Variants in AP1S3 observed in about 807,000 individuals in gnomAD.
AP1S3 encodes AP-1 complex subunit sigma-3.
In AP1S3, 10 loss-of-function variants were observed where a neutral mutation model predicts 20.9. The observed-to-expected ratio is 0.48, with a 90% CI of 0.29 to 0.81. AP1S3 has a LOEUF of 0.81. Among genes scored for constraint, AP1S3 ranks in the 30% least tolerant of loss-of-function variants. AP1S3 has a pLI of 0.08. For missense variants in AP1S3, 154 were observed against 183.8 expected, an observed-to-expected ratio of 0.84 and a Z score of 0.94; for synonymous variants, 41 against 61.5, an observed-to-expected ratio of 0.67 and a Z score of 1.56.
rs539602644 is a variant in AP1S3 at position 223,769,976 on chromosome 2, C to T, written c.292-4626G>A. 2.8e-3 allele frequency among the ~76,000 whole-genome samples: 427 copies of T among 152,128 alleles called. 1 individual carries two copies. The highest frequency in any genetic ancestry group is 9.8e-3 in the African/African-American group (407 of 41,502). ...AGCCAGGATGGTCTCGATCTCCTGA[C>T]CTCGTGATCCACCCGCCTCGGCCTC... On this transcript the variant is annotated intron_variant, in intron 3 of 4. Transcript: ENST00000396654.
At chr2:223,768,838 G>A (rs367822759) in intron 3 of AP1S3, among the ~76,000 whole-genome samples, 7 of 152,148 alleles carry the variant, frequency 4.6e-5, no homozygotes, top group African/African-American at 1.4e-4. Context: ...CTGGGTGACA[G>A]AGCAAGACTC....
At chr2:223,800,178 G>A (rs1014458616) in intron 1 of AP1S3, among the ~76,000 whole-genome samples, 1 of 149,802 alleles carries the variant, frequency 6.7e-6, no homozygotes, top group African/African-American at 2.5e-5. Context: ...TCGTACCACT[G>A]CACTCCAGCC....
intron 3 of AP1S3, among the ~76,000 whole-genome samples, chr2:223,767,097 A>G (rs7587597): frequency 0.66 from 99,411 of 151,686 alleles, 33,474 homozygotes; most frequent in East Asian, 0.82. Flanking sequence ...CAGGTTGATG[A>G]GTGCAGCAAA....
rs756220727 is a variant in AP1S3, at chr2:223,758,343, A to G, written c.*372T>C. The G allele has an allele frequency of 1.0e-5, 10 of 1,000,522 alleles. No individual in the cohort carries two copies. The highest frequency in any genetic ancestry group is 1.2e-5 in the Non-Finnish European group (10 of 838,958). 62.0% of individuals were successfully genotyped at this position (1,000,522 alleles called of 1,614,324 possible). ...TGACATCATATATACTTTACATTCA[A>G]AATCATGGATTATTACAATATTGTG... On this transcript the variant is annotated 3_prime_UTR_variant, in exon 5 of 5. Transcript: ENST00000396654.
chr2:223,802,708 G>A (rs933814432), intron 1 of AP1S3, among the ~76,000 whole-genome samples: 2 of 152,040 alleles, frequency 1.3e-5, no homozygotes, highest in Non-Finnish European at 2.9e-5. Flanking sequence ...GAAACATGTT[G>A]GATCACAGTG....
intron 4 of AP1S3, among the ~76,000 whole-genome samples, chr2:223,759,435 T>A (rs4674812): frequency 0.19 from 28,479 of 152,170 alleles, 4,659 homozygotes; most frequent in African/African-American, 0.41. Flanking sequence ...TACGTCTGTA[T>A]AACATATGTA....
At chr2:223,815,185 T>C (rs185512545) in intron 1 of AP1S3, among the ~76,000 whole-genome samples, 4 of 152,378 alleles carry the variant, frequency 2.6e-5, no homozygotes, top group Admixed American at 2.6e-4. Context: ...TGAAAATAAA[T>C]GTCAATGTGC....
At chr2:223,791,225 A>G (rs1370632406) in intron 1 of AP1S3, among the ~76,000 whole-genome samples, 1 of 152,172 alleles carries the variant, frequency 6.6e-6, no homozygotes, top group African/African-American at 2.4e-5. Context: ...CACAACAACA[A>G]CAACAACAAA....
At chr2:223,773,406 G>C (rs755882962) in intron 3 of AP1S3, 1 of 1,284,346 alleles carries the variant, frequency 7.8e-7, no homozygotes, top group Admixed American at 2.4e-5. Flanking sequence ...TTGAATAGTA[G>C]AAAGTATTAA....
intron 1 of AP1S3, among the ~76,000 whole-genome samples, chr2:223,799,271 G>C (rs1001834223): frequency 6.6e-6 from 1 of 151,218 alleles, no homozygotes; most frequent in Non-Finnish European, 1.5e-5. Flanking sequence ...TGAAGGTGAA[G>C]GCAGAGATTG....
At chr2:223,835,105 T>C (rs927253212) in intron 1 of AP1S3, among the ~76,000 whole-genome samples, 5 of 152,256 alleles carry the variant, frequency 3.3e-5, no homozygotes, top group African/African-American at 1.2e-4. Flanking sequence ...TCTTGGGGAC[T>C]GCTGGGGGTA....
intron 1 of AP1S3, among the ~76,000 whole-genome samples, chr2:223,828,829 G>T (rs1692192977): frequency 6.6e-6 from 1 of 151,968 alleles, no homozygotes; most frequent in African/African-American, 2.4e-5. Flanking sequence ...TTGAAAAAGG[G>T]ATCCTACATT....
intron 1 of AP1S3, among the ~76,000 whole-genome samples, chr2:223,805,022 A>G (rs1398900689): frequency 6.6e-6 from 1 of 152,244 alleles, no homozygotes; most frequent in African/African-American, 2.4e-5. Flanking sequence ...TTTATTAGAG[A>G]AACAACAGCA....
chr2:223,813,673 T>A (rs1285607139), intron 1 of AP1S3, among the ~76,000 whole-genome samples: 2 of 152,152 alleles, frequency 1.3e-5, no homozygotes, highest in African/African-American at 4.8e-5. Context: ...AGCCCCTCTA[T>A]CCCTTCATAA....
intron 1 of AP1S3, among the ~76,000 whole-genome samples, chr2:223,826,324 G>A (rs531797845): frequency 1.3e-5 from 2 of 152,202 alleles, no homozygotes; most frequent in Non-Finnish European, 2.9e-5. Context: ...CAGGTATGGT[G>A]GCTTATGCCT....
chr2:223,780,134 C>G (rs1470092687), intron 1 of AP1S3, among the ~76,000 whole-genome samples: 4 of 151,482 alleles, frequency 2.6e-5, no homozygotes, highest in Non-Finnish European at 5.9e-5. Flanking sequence ...ACCACCACCC[C>G]CTGGCCCCAG....
intron 1 of AP1S3, among the ~76,000 whole-genome samples, chr2:223,809,096 T>A (rs975510062): frequency 1.3e-5 from 2 of 152,214 alleles, no homozygotes; most frequent in African/African-American, 4.8e-5. Flanking sequence ...AATCTGTTAT[T>A]AATATAATAG....
Position 223,811,055 on chromosome 2 carries a change from A to G in AP1S3, c.3+26393T>C, listed in dbSNP as rs183676294. 2.3e-3 allele frequency among the ~76,000 whole-genome samples: 356 copies of G among 151,954 alleles called. 1 individual carries two copies. The highest frequency in any genetic ancestry group is 3.6e-3 in the Non-Finnish European group (242 of 67,962). On this transcript the variant is annotated intron_variant, in intron 1 of 4. Transcript: ENST00000396654. Reference sequence around the variant, plus strand: ...ACAAGTGGTTTTGGTTACATGAATGAACTGTAGAGTGGTGAAGTCTGAGAA... The same window carrying G: ...ACAAGTGGTTTTGGTTACATGAATGGACTGTAGAGTGGTGAAGTCTGAGAA...
rs970456586 is a variant in AP1S3, at chr2:223,757,731, A to C, written c.*984T>G. On this transcript the variant is annotated 3_prime_UTR_variant, in exon 5 of 5. Transcript: ENST00000396654. The stretch of plus-strand genomic sequence containing the variant: ...TTCTTTGGGGAGGAAAGGGTAAGAA[A>C]AGAAAAAAGAAGGAAAGGAATCTAC... 1 of 985,440 alleles carries C rather than the reference A, an allele frequency of 1.0e-6. No homozygotes were observed. Among genetic ancestry groups the C allele is most frequent in the African/African-American group, 1.7e-5 (1 of 57,366 alleles). 61.0% of individuals were successfully genotyped at this position (985,440 alleles called of 1,614,324 possible).
Sources: allele counts gnomAD v4.1 joint callset (sites outside exome capture counted in the v4.1 genomes callset), GRCh38; gene constraint gnomAD v4.1.1; transcripts MANE v1.5; gene names NCBI Gene and HGNC (gene_info 2026-07-23, HGNC 2026-07-21).